Variants in FXR1 observed in about 807,000 individuals in gnomAD.
FXR1 encodes the protein RNA-binding protein FXR1.
A neutral mutation model predicts 84.0 loss-of-function variants in FXR1; 15 were observed. That is an observed-to-expected ratio of 0.18 (90% CI 0.12 to 0.27). The LOEUF (loss-of-function observed/expected upper bound fraction) is 0.27, where lower values mean the gene tolerates loss of function less well. FXR1 is among the 10% of genes least tolerant of loss of function. The pLI, the probability that FXR1 is intolerant of heterozygous loss-of-function variation, is 1.00. For missense variants in FXR1, 480 were observed against 774.4 expected (o/e 0.62, Z 4.51); for synonymous variants, 245 against 250.7 (o/e 0.98, Z 0.21).
Position 180,940,580 on chromosome 3 carries a change from G to GTTTTGTTTTT in FXR1, c.198+5353_198+5354insGTTTTTTTTT, listed in dbSNP as rs746815811. 2.0e-3 allele frequency among the ~76,000 whole-genome samples: 295 copies of GTTTTGTTTTT among 146,084 alleles called. 3 individuals are homozygous for GTTTTGTTTTT. The highest frequency in any genetic ancestry group is 7.4e-3 in the African/African-American group (276 of 37,248). On this transcript the variant is annotated intron_variant, in intron 3 of 16. Transcript: ENST00000357559. ...ACGTGTTTAGTTTTTGTTTTTTTCT[G>GTTTTGTTTTT]TTTTCTTTTTTTTTTGGAGATGGAG...
chr3:180,927,732 G>A (rs576735463), intron 1 of FXR1: 14 of 446,560 alleles, frequency 3.1e-5, no homozygotes, highest in Admixed American at 8.2e-5. Context: ...AGAGAAAAGC[G>A]AAGTTCAGAA....
intron 15 of FXR1, among the ~76,000 whole-genome samples, chr3:180,974,581 A>G (rs1713988884): frequency 6.6e-6 from 1 of 152,160 alleles, no homozygotes; most frequent in South Asian, 2.1e-4. Flanking sequence ...TTCCTAATCC[A>G]CTACTGCCAC....
rs1714603679 is a variant in FXR1 at position 180,981,422 on chromosome 3, G to C, written c.*5130G>C. ...AAAATACTTGATGGCAGGAGAACTT[G>C]CTTAAAACTAAAGGTGGAGAAAGAG... On this transcript the variant is annotated 3_prime_UTR_variant, in exon 17 of 17. Coordinates refer to ENST00000357559, the MANE Select transcript of FXR1 (RefSeq NM_005087.4). The C allele has an allele frequency of 6.6e-6, 1 of 152,084 alleles. No homozygotes were observed. Among genetic ancestry groups the C allele is most frequent in the South Asian group, 2.1e-4 (1 of 4,818 alleles). The allele number at this position is 152,084 out of a possible 1,614,324, so 9.4% of individuals were successfully genotyped here. A position where few individuals can be genotyped will look rare whatever the true frequency, so the allele number is the denominator to read the frequency against.
At chr3:180,950,386 T>C (rs1265140151) in intron 7 of FXR1, among the ~76,000 whole-genome samples, 8 of 152,252 alleles carry the variant, frequency 5.3e-5, no homozygotes, top group African/African-American at 1.7e-4. Flanking sequence ...CCATTCATTT[T>C]ATGACATTAG....
intron 1 of FXR1, chr3:180,915,615 G>A: frequency 1.3e-6 from 1 of 795,542 alleles, no homozygotes; most frequent in Non-Finnish European, 2.1e-6. Context: ...TTTTTTTGGT[G>A]GTTTTTCAAT....
intron 7 of FXR1, among the ~76,000 whole-genome samples, chr3:180,949,824 C>T (rs1048050255): frequency 2.0e-5 from 3 of 152,182 alleles, no homozygotes; most frequent in African/African-American, 7.2e-5. Flanking sequence ...CTTTCCTTTG[C>T]GAAATGCCTG....
intron 1 of FXR1, among the ~76,000 whole-genome samples, chr3:180,925,049 G>C (rs1458922606): frequency 6.6e-6 from 1 of 152,038 alleles, no homozygotes; most frequent in Non-Finnish European, 1.5e-5. Flanking sequence ...GGAGAGTATT[G>C]ATGTTGTAAA....
At chr3:180,937,635 A>AG (rs1379131754) in intron 3 of FXR1, among the ~76,000 whole-genome samples, 1 of 152,156 alleles carries the variant, frequency 6.6e-6, no homozygotes, top group Non-Finnish European at 1.5e-5. Flanking sequence ...AAATTTAAAA[A>AG]TTAATATAAG....
intron 15 of FXR1, 124 bp downstream of exon 15, chr3:180,970,482 G>C (rs1163822596): frequency 4.6e-6 from 1 of 216,492 alleles, no homozygotes; most frequent in African/African-American, 2.4e-5. Flanking sequence ...TTCACAAATT[G>C]ACTTTTTCTT....
Position 180,982,653 on chromosome 3 carries a change from ATTTTC to A in FXR1, c.*6366_*6370del, listed in dbSNP as rs1270234266. The A allele has an allele frequency of 8.5e-5, 13 of 152,148 alleles. No homozygotes were observed. The highest frequency in any genetic ancestry group is 1.7e-4 in the African/African-American group (7 of 41,538). The allele number at this position is 152,148 out of a possible 1,614,324, so 9.4% of individuals were successfully genotyped here. A position where few individuals can be genotyped will look rare whatever the true frequency, so the allele number is the denominator to read the frequency against. On this transcript the variant is annotated 3_prime_UTR_variant, in exon 17 of 17. Coordinates refer to ENST00000357559, the MANE Select transcript of FXR1 (RefSeq NM_005087.4). ...TATTATCACTATCTGTCTTTGAAAA[ATTTTC>A]TTTTAAGTCTCAACTATTTCTTCAT... is the stretch of plus-strand genomic sequence containing the variant.
chr3:180,955,624 C>T (rs1722673362), intron 9 of FXR1, among the ~76,000 whole-genome samples: 1 of 152,104 alleles, frequency 6.6e-6, no homozygotes, highest in South Asian at 2.1e-4. Flanking sequence ...GGTAGCTGCT[C>T]TACAGATGTA....
intron 3 of FXR1, among the ~76,000 whole-genome samples, chr3:180,946,651 G>GATAA (rs1403272928): frequency 1.3e-5 from 2 of 152,234 alleles, no homozygotes; most frequent in East Asian, 3.9e-4. Flanking sequence ...CATGGTATAC[G>GATAA]ATAAAGTTCA....
chr3:180,953,551 G>C (rs917508181), intron 8 of FXR1, among the ~76,000 whole-genome samples: 1 of 152,104 alleles, frequency 6.6e-6, no homozygotes, highest in Non-Finnish European at 1.5e-5. Context: ...GGTTTTAATA[G>C]TACTGACTGA....
rs1722356302 is a variant in FXR1 at position 180,952,784 on chromosome 3, A to G, written c.802-978A>G. The stretch of plus-strand genomic sequence containing the variant: ...TGGTATATCATGTAGTGTGCACACA[A>G]TAATTTGAGCTATGGTTTTAAAATT... On this transcript the variant is annotated intron_variant, in intron 8 of 16. Coordinates refer to ENST00000357559, the MANE Select transcript of FXR1 (RefSeq NM_005087.4). Among the ~76,000 whole-genome samples, 3 of 151,936 alleles carry G rather than the reference A, an allele frequency of 2.0e-5. No homozygotes were observed. The South Asian group carries it at 6.2e-4, about 32-fold the overall frequency.
intron 1 of FXR1, among the ~76,000 whole-genome samples, chr3:180,926,506 A>ATATATATATATATTTTTTT (rs72192827): frequency 8.0e-6 from 1 of 124,394 alleles, no homozygotes; most frequent in African/African-American, 2.9e-5. Context: ...ATATATATAT[A>ATATATATATATATTTTTTT]TTTTTTTTTC....
intron 3 of FXR1, among the ~76,000 whole-genome samples, chr3:180,937,584 CATT>C (rs1255515736): frequency 6.6e-6 from 1 of 151,790 alleles, no homozygotes; most frequent in African/African-American, 2.4e-5. Context: ...TTTTGTAAGT[CATT>C]ATCTGAAATT....
chr3:180,968,124 G>A lies in FXR1; in HGVS notation c.1272G>A (p.Leu424=), dbSNP rs1332328383. The change falls in exon 14 of 17, where the codon TTG becomes TTA. Residue 424 remains leucine (L), a synonymous_variant. Transcript: ENST00000357559. ...AAGACGAGCTGAGTGATTGGTCATT[G>A]GCAGGAGAAGATGATCGAGACAGCC... is the stretch of plus-strand genomic sequence containing the variant. ...ERKDELSDWS[L]AGEDDRDSRH... The A allele has an allele frequency of 6.2e-7, 1 of 1,613,334 alleles. No homozygotes were observed. Among genetic ancestry groups the A allele is most frequent in the Non-Finnish European group, 8.5e-7 (1 of 1,179,424 alleles).
At chr3:180,970,398 A>G (rs780504110) in intron 15 of FXR1, 40 bp downstream of exon 15, 1 of 281,566 alleles carries the variant, frequency 3.6e-6, no homozygotes, top group Non-Finnish European at 6.5e-6. Context: ...ATATATATAT[A>G]TATATATATA....
chr3:180,976,223 AG>A lies in FXR1; in HGVS notation c.1798del (p.Glu600LysfsTer7). 6.2e-7 allele frequency: 1 copy of A among 1,612,460 alleles called. No individual in the cohort carries two copies. ...DISKLQRTPG[E>X]EKINTLKEEN... ...TTTCTAAGCTACAGCGTACTCCAGGAGAAGAAAAGATTAATACCTTAAAAGA... is the reference window on the plus strand; with the variant it reads ...TTTCTAAGCTACAGCGTACTCCAGGAAAGAAAAGATTAATACCTTAAAAGA... On this transcript the variant is annotated frameshift_variant, in exon 17 of 17. Transcript: ENST00000357559. LOFTEE classifies it high-confidence loss of function.
Sources: allele counts gnomAD v4.1 joint callset (sites outside exome capture counted in the v4.1 genomes callset), GRCh38; gene constraint gnomAD v4.1.1; transcripts MANE v1.5; gene names NCBI Gene and HGNC (gene_info 2026-07-23, HGNC 2026-07-21).